RASAL2: variants seen among roughly 807,000 people sequenced by gnomAD.
The protein encoded by RASAL2 is ras GTPase-activating protein nGAP.
In RASAL2, 58 loss-of-function variants were observed where a neutral mutation model predicts 128.9. That is an observed-to-expected ratio of 0.45 (90% CI 0.36 to 0.56). The LOEUF (loss-of-function observed/expected upper bound fraction) is 0.56, where lower values mean the gene tolerates loss of function less well. Ranked by LOEUF, RASAL2 falls within the 20% of genes least tolerant of loss-of-function variation. RASAL2 has a pLI of 0.00. For synonymous variants in RASAL2, 561 were observed against 580.8 expected (o/e 0.97, Z 0.49); for missense variants, 1,360 against 1,601.6 (o/e 0.85, Z 2.57).
chr1:178,147,971 G>A (rs940873198), intron 1 of RASAL2, among the ~76,000 whole-genome samples: 10 of 151,890 alleles, frequency 6.6e-5, no homozygotes, highest in Non-Finnish European at 1.3e-4. Flanking sequence ...CTTGGAAGGC[G>A]GAGGCAGGAG....
chr1:178,165,986 A>T (rs1405208946), intron 1 of RASAL2, among the ~76,000 whole-genome samples: 1 of 152,058 alleles, frequency 6.6e-6, no homozygotes, highest in African/African-American at 2.4e-5. Context: ...CTTTGTACGT[A>T]TGTGCACATA....
chr1:178,420,972 T>A (rs1675106544), intron 5 of RASAL2, among the ~76,000 whole-genome samples: 1 of 152,214 alleles, frequency 6.6e-6, no homozygotes, highest in African/African-American at 2.4e-5. Context: ...ATTTTAGCAC[T>A]GTCGCAGGAT....
At chr1:178,140,940 A>G (rs541916756) in intron 1 of RASAL2, among the ~76,000 whole-genome samples, 1 of 152,218 alleles carries the variant, frequency 6.6e-6, no homozygotes, top group African/African-American at 2.4e-5. Context: ...CTGGCATCAG[A>G]TTCTGGTGAG....
At chr1:178,156,554 A>AT (rs930489127) in intron 1 of RASAL2, among the ~76,000 whole-genome samples, 2 of 151,982 alleles carry the variant, frequency 1.3e-5, no homozygotes, top group South Asian at 2.1e-4. Flanking sequence ...TCAGATGCAT[A>AT]TTTTTTTTAT....
In RASAL2 at chr1:178,445,632, G is replaced by T. The variant is rs373599792; in HGVS notation, c.1597G>T (p.Val533Leu). The T allele has an allele frequency of 1.9e-6, 3 of 1,613,370 alleles. No homozygotes were observed. In the African/African-American group the frequency reaches 4.0e-5, roughly 22 times the overall value. The change falls in exon 9 of 18, where the codon GTG becomes TTG. Residue 533 changes from valine to leucine, a missense_variant. Physicochemically the swap from Val to Leu is conservative, Grantham distance 32. This residue lies in a region of RASAL2 where 617 missense variants were observed against 714.2 expected (regional missense o/e 0.86). Transcript: ENST00000367649. ...ATCCATTGAGGAATACCTCAAGTTG[G>T]TGGGACAACAGTATCTTCATGACGC... ...TKSIEEYLKLVGQQYLHDALG... is the reference protein window; with the variant it reads ...TKSIEEYLKLLGQQYLHDALG...
chr1:178,200,672 G>A (rs1662833394), intron 1 of RASAL2, among the ~76,000 whole-genome samples: 1 of 152,142 alleles, frequency 6.6e-6, no homozygotes, highest in African/African-American at 2.4e-5. Flanking sequence ...AAGGTGCATG[G>A]ACAGCCTCGC....
At chr1:178,283,414 A>AT in intron 1 of RASAL2, 150 bp from the exon 2 acceptor site, 1 of 1,009,086 alleles carries the variant, frequency 9.9e-7, no homozygotes, top group Non-Finnish European at 1.4e-6. Flanking sequence ...AATAGTTTTC[A>AT]TTTTCTTAAG....
At chr1:178,124,053 C>T (rs1659807423) in intron 1 of RASAL2, among the ~76,000 whole-genome samples, 1 of 152,130 alleles carries the variant, frequency 6.6e-6, no homozygotes, top group Non-Finnish European at 1.5e-5. Flanking sequence ...TCCAGAACCC[C>T]AGAAAATGAA....
At chr1:178,124,367 C>G (rs1659819235) in intron 1 of RASAL2, among the ~76,000 whole-genome samples, 1 of 152,004 alleles carries the variant, frequency 6.6e-6, no homozygotes, top group Non-Finnish European at 1.5e-5. Flanking sequence ...TGGGTGGAGC[C>G]CAGAGTACTG....
chr1:178,366,671 G>T (rs1485891102), intron 3 of RASAL2, among the ~76,000 whole-genome samples: 1 of 133,346 alleles, frequency 7.5e-6, no homozygotes, highest in African/African-American at 2.9e-5. Context: ...ACAAAAACTT[G>T]TACACAAATT....
chr1:178,441,402 T>A, intron 6 of RASAL2, 147 bp from the exon 7 acceptor site: 1 of 565,370 alleles, frequency 1.8e-6, no homozygotes, highest in South Asian at 2.2e-5. Context: ...TCTGAGACCA[T>A]GTTTTTCTTA....
chr1:178,368,957 A>G (rs1370133420), intron 3 of RASAL2, among the ~76,000 whole-genome samples: 1 of 152,028 alleles, frequency 6.6e-6, no homozygotes, highest in Non-Finnish European at 1.5e-5. Flanking sequence ...TATTTACAGT[A>G]TTTTGATGCT....
In RASAL2 at chr1:178,383,719, T is replaced by G. The variant is rs1167229159; in HGVS notation, c.458-6381T>G. On this transcript the variant is annotated intron_variant, in intron 3 of 17. Transcript: ENST00000367649. ...TGTCTTCTGTGCCTTAAATGTCTTC[T>G]GTGCATCCTATGGAAGAAGAACCCT... 2.0e-5 allele frequency among the ~76,000 whole-genome samples: 3 copies of G among 152,224 alleles called. No individual in the cohort carries two copies. In the South Asian group the frequency reaches 6.2e-4, roughly 32 times the overall value.
At chr1:178,241,392 A>G (rs1352978803) in intron 1 of RASAL2, among the ~76,000 whole-genome samples, 1 of 152,176 alleles carries the variant, frequency 6.6e-6, no homozygotes, top group Non-Finnish European at 1.5e-5. Flanking sequence ...TGTTGCTAGT[A>G]TATTGTGGAG....
chr1:178,251,756 T>C (rs1438407959), intron 1 of RASAL2, among the ~76,000 whole-genome samples: 1 of 152,232 alleles, frequency 6.6e-6, no homozygotes, highest in Admixed American at 6.5e-5. Flanking sequence ...AGTCTTTTTC[T>C]TCAGATGCTT....
chr1:178,373,841 G>A (rs1394897515), intron 3 of RASAL2, among the ~76,000 whole-genome samples: 1 of 151,984 alleles, frequency 6.6e-6, no homozygotes, highest in African/African-American at 2.4e-5. Context: ...ATAAATGGAG[G>A]TAATAAAGAC....
chr1:178,185,077 T>G (rs1208465550), intron 1 of RASAL2, among the ~76,000 whole-genome samples: 1 of 151,986 alleles, frequency 6.6e-6, no homozygotes, highest in Non-Finnish European at 1.5e-5. Flanking sequence ...TTGTTGTATG[T>G]GTGGGGATGC....
chr1:178,227,829 G>A (rs545683437), intron 1 of RASAL2, among the ~76,000 whole-genome samples: 1 of 152,278 alleles, frequency 6.6e-6, no homozygotes, highest in African/African-American at 2.4e-5. Context: ...TTCTTGTTCT[G>A]ACATTTCAAT....
chr1:178,421,682 A>C lies in RASAL2; in HGVS notation c.674+1062A>C, dbSNP rs551214381. ...TTTTTCCAGTAAGTGACTTTTTTTC[A>C]CTTATCTACCTAGAAAACAGAAATA... On this transcript the variant is annotated intron_variant, in intron 5 of 17. Coordinates refer to ENST00000367649, the MANE Select transcript of RASAL2 (RefSeq NM_170692.4). 1.1e-4 allele frequency among the ~76,000 whole-genome samples: 17 copies of C among 151,526 alleles called. No homozygotes were observed. The South Asian group carries it at 3.5e-3, about 32-fold the overall frequency.
Sources: allele counts gnomAD v4.1 joint callset (sites outside exome capture counted in the v4.1 genomes callset), GRCh38; gene constraint gnomAD v4.1.1; regional missense constraint gnomAD v4.1.1; transcripts MANE v1.5; gene names NCBI Gene and HGNC (gene_info 2026-07-23, HGNC 2026-07-21).